The following HCRTR2 variants were observed in gnomAD, a reference collection of about 807,000 sequenced individuals.
HCRTR2 encodes orexin receptor type 2.
In HCRTR2, 22 loss-of-function variants were observed where a neutral mutation model predicts 49.0. The ratio of observed to expected loss-of-function variants is 0.45; its 90% confidence interval spans 0.32 to 0.64. HCRTR2 has a LOEUF of 0.64. Ranked by LOEUF, HCRTR2 falls within the 30% of genes least tolerant of loss-of-function variation. The pLI is 0.04. For synonymous variants in HCRTR2, 236 were observed against 205.3 expected (o/e 1.15, Z -1.28); for missense variants, 491 against 559.4 (o/e 0.88, Z 1.23).
intron 2 of HCRTR2, among the ~76,000 whole-genome samples, chr6:55,254,736 G>T (rs1397252835): frequency 1.3e-5 from 2 of 150,216 alleles, no homozygotes; most frequent in African/African-American, 2.4e-5. Context: ...TATAATTGAG[G>T]CTTTTCCAGT....
At chr6:55,121,156 G>A (rs571492392) in intron 1 of HCRTR2, among the ~76,000 whole-genome samples, 5 of 151,798 alleles carry the variant, frequency 3.3e-5, no homozygotes, top group East Asian at 1.9e-4. Flanking sequence ...TTCGTTGAGC[G>A]TGGTTTGTAG....
chr6:55,209,799 T>G (rs1765665739), intron 1 of HCRTR2, among the ~76,000 whole-genome samples: 1 of 152,122 alleles, frequency 6.6e-6, no homozygotes, highest in Non-Finnish European at 1.5e-5. Context: ...CAATTTGTGG[T>G]TGGGAAATGA....
chr6:55,246,296 G>T (rs955155893), intron 1 of HCRTR2, among the ~76,000 whole-genome samples: 1 of 151,918 alleles, frequency 6.6e-6, no homozygotes, highest in African/African-American at 2.4e-5. Context: ...TACATATATA[G>T]GTAAAGCTTA....
chr6:55,169,607 T>C (rs1351510203), upstream of HCRTR2, among the ~76,000 whole-genome samples: 2 of 152,106 alleles, frequency 1.3e-5, no homozygotes, highest in Admixed American at 1.3e-4. Flanking sequence ...TTAAATGTAG[T>C]ATTTGGAGCC....
chr6:55,170,595 T>A (rs200926554), upstream of HCRTR2, among the ~76,000 whole-genome samples: 30 of 94,406 alleles, frequency 3.2e-4, no homozygotes, highest in African/African-American at 1.1e-3. Flanking sequence ...TTATTTATTT[T>A]TATTATACTT....
intron 1 of HCRTR2, among the ~76,000 whole-genome samples, chr6:55,223,093 T>C (rs73437065): frequency 0.036 from 5,493 of 152,296 alleles, 337 homozygotes; most frequent in African/African-American, 0.13. Flanking sequence ...AAGCAGAGTA[T>C]ATAAACTATC....
intron 1 of HCRTR2, among the ~76,000 whole-genome samples, chr6:55,148,416 T>C (rs1044443346): frequency 6.6e-6 from 1 of 152,234 alleles, no homozygotes; most frequent in African/African-American, 2.4e-5. Flanking sequence ...GGATTATCAG[T>C]CATTGATTGG....
chr6:55,277,649 T>C, intron 5 of HCRTR2, 49 bp downstream of exon 5: 1 of 1,369,124 alleles, frequency 7.3e-7, no homozygotes, highest in Non-Finnish European at 1.0e-6. Flanking sequence ...CTTTTCTTGA[T>C]TCTTAATTAA....
intron 1 of HCRTR2, among the ~76,000 whole-genome samples, chr6:55,141,748 T>C (rs1764511051): frequency 6.6e-6 from 1 of 152,002 alleles, no homozygotes; most frequent in African/African-American, 2.4e-5. Flanking sequence ...TTTAGAGAAA[T>C]AAGGCAGGAA....
At chr6:55,134,744 G>T (rs190800314) in intron 1 of HCRTR2, among the ~76,000 whole-genome samples, 236 of 151,980 alleles carry the variant, frequency 1.6e-3, no homozygotes, top group Middle Eastern at 0.01. Flanking sequence ...GTCTTGCTGT[G>T]TCTGGCTTAT....
chr6:55,235,213 TGGGGTGCC>T, intron 1 of HCRTR2, among the ~76,000 whole-genome samples: 1 of 152,170 alleles, frequency 6.6e-6, no homozygotes, highest in Non-Finnish European at 1.5e-5. Context: ...AGAGAGCTTC[TGGGGTGCC>T]GGTCATATTG....
chr6:55,173,529 A>G (rs1764981764), upstream of HCRTR2, among the ~76,000 whole-genome samples: 1 of 152,238 alleles, frequency 6.6e-6, no homozygotes, highest in Non-Finnish European at 1.5e-5. Flanking sequence ...AAACCAGTGC[A>G]TGAGAGAATG....
At chr6:55,124,321 T>G (rs1764244161) in intron 1 of HCRTR2, among the ~76,000 whole-genome samples, 1 of 152,208 alleles carries the variant, frequency 6.6e-6, no homozygotes, top group Non-Finnish European at 1.5e-5. Context: ...TATGTCTTCA[T>G]TCTCACTGGT....
rs1764872170 is a variant in HCRTR2 at position 55,165,953 on chromosome 6, A to G, written c.-377-8258A>G. 2.0e-5 allele frequency among the ~76,000 whole-genome samples: 3 copies of G among 151,998 alleles called. No homozygotes were observed. In the South Asian group the frequency reaches 6.2e-4, roughly 32 times the overall value. On this transcript the variant is annotated intron_variant, in intron 1 of 7. Coordinates refer to the HCRTR2 transcript ENST00000615358. ...AAATACAGATTAATATTACAATGAT[A>G]TTAGACATGGATTTGTCATATACAG... is the stretch of plus-strand genomic sequence containing the variant.
chr6:55,240,570 T>C (rs1766308373), intron 1 of HCRTR2, among the ~76,000 whole-genome samples: 1 of 151,956 alleles, frequency 6.6e-6, no homozygotes, highest in South Asian at 2.1e-4. Flanking sequence ...AATGGGAGAT[T>C]GAGACAGGCA....
chr6:55,228,109 C>G (rs1438677551), intron 1 of HCRTR2, among the ~76,000 whole-genome samples: 1 of 151,966 alleles, frequency 6.6e-6, no homozygotes, highest in South Asian at 2.1e-4. Flanking sequence ...ATTTCCAGGA[C>G]AGTGATGAAT....
intron 4 of HCRTR2, among the ~76,000 whole-genome samples, chr6:55,268,346 T>TATA (rs1766901132): frequency 6.6e-6 from 1 of 152,038 alleles, no homozygotes; most frequent in South Asian, 2.1e-4. Context: ...ATATATTATA[T>TATA]TTTCTTAATA....
chr6:55,113,388 A>C (rs1051508550), intron 1 of HCRTR2, among the ~76,000 whole-genome samples: 5 of 152,088 alleles, frequency 3.3e-5, no homozygotes, highest in Admixed American at 3.3e-4. Flanking sequence ...CATGTGACAA[A>C]TGAGGAATAT....
At chr6:55,172,029 A>T (rs1319813004), upstream of HCRTR2, among the ~76,000 whole-genome samples, 1 of 152,210 alleles carries the variant, frequency 6.6e-6, no homozygotes, top group African/African-American at 2.4e-5. Context: ...TCAGAGGAAG[A>T]CATCGTGCCA....
Sources: allele counts gnomAD v4.1 joint callset (sites outside exome capture counted in the v4.1 genomes callset), GRCh38; gene constraint gnomAD v4.1.1; transcripts MANE v1.5; gene names NCBI Gene and HGNC (gene_info 2026-07-23, HGNC 2026-07-21).